PRIMA1: variants seen among roughly 807,000 people sequenced by gnomAD.
PRIMA1 encodes proline-rich membrane anchor 1.
PRIMA1 carries 7 observed loss-of-function variants against 17.5 expected under a neutral mutation model. The ratio of observed to expected loss-of-function variants is 0.40; its 90% CI spans 0.23 to 0.75. PRIMA1 has a LOEUF of 0.75. Among genes scored for constraint, PRIMA1 ranks in the 30% least tolerant of loss-of-function variants. The pLI is 0.37. For missense variants in PRIMA1, 200 were observed against 201.8 expected (o/e 0.99, Z 0.05); for synonymous variants, 97 against 77.9 (o/e 1.25, Z -1.29).
At chr14:93,732,066 G>A (rs1277070261) in intron 4 of PRIMA1, among the ~76,000 whole-genome samples, 1 of 152,208 alleles carries the variant, frequency 6.6e-6, no homozygotes. Flanking sequence ...ACCACGTATT[G>A]GTCTTTCTGC....
At chr14:93,766,349 C>T (rs1032024362) in intron 3 of PRIMA1, among the ~76,000 whole-genome samples, 2 of 152,146 alleles carry the variant, frequency 1.3e-5, no homozygotes, top group African/African-American at 4.8e-5. Flanking sequence ...TGGCCTTGAG[C>T]AAGTCATTTG....
intron 3 of PRIMA1, among the ~76,000 whole-genome samples, chr14:93,766,972 G>T (rs1399498143): frequency 6.6e-6 from 1 of 152,186 alleles, no homozygotes; most frequent in Non-Finnish European, 1.5e-5. Flanking sequence ...ATGAAGGAAT[G>T]AACAAATGAA....
At chr14:93,728,740 C>A (rs1166259745) in intron 4 of PRIMA1, among the ~76,000 whole-genome samples, 1 of 152,138 alleles carries the variant, frequency 6.6e-6, no homozygotes, top group Non-Finnish European at 1.5e-5. Flanking sequence ...TCAGCTGGCC[C>A]AGAGCACACA....
rs575764315 is a variant in PRIMA1, at chr14:93,755,244, T to C, written c.230-17874A>G. Among the ~76,000 whole-genome samples, 93 of 152,326 alleles carry C rather than the reference T, an allele frequency of 6.1e-4. 1 individual carries two copies. Among genetic ancestry groups the C allele is most frequent in the African/African-American group, 2.2e-3 (92 of 41,580 alleles). ...TGTGTGTGTGTGTATATATGTATCC[T>C]GAGTGCGAGCACCCTGCACACGCCG... is the stretch of plus-strand genomic sequence containing the variant. On this transcript the variant is annotated intron_variant, in intron 3 of 4. Coordinates refer to ENST00000393140, the MANE Select transcript of PRIMA1 (RefSeq NM_178013.4).
rs778194849 is a variant in PRIMA1, at chr14:93,788,433, G to C, written c.-55C>G. On this transcript the variant is annotated 5_prime_UTR_variant, in exon 1 of 5. Coordinates refer to ENST00000393140, the MANE Select transcript of PRIMA1 (RefSeq NM_178013.4). ...ACCTTGCCTGGCGGCGGCCCCAGCC[G>C]ACCCTGGGCTCGGGGAAAAGAGGTC... The C allele has an allele frequency of 1.3e-5, 2 of 152,314 alleles. No individual in the cohort carries two copies. Among genetic ancestry groups the C allele is most frequent in the African/African-American group, 2.4e-5 (1 of 41,462 alleles). 9.4% of individuals were successfully genotyped at this position (152,314 alleles called of 1,614,324 possible). A position where few individuals can be genotyped will look rare whatever the true frequency, so the allele number is the denominator to read the frequency against.
intron 2 of PRIMA1, among the ~76,000 whole-genome samples, chr14:93,785,001 C>T (rs1382594282): frequency 6.6e-6 from 1 of 152,052 alleles, no homozygotes; most frequent in African/African-American, 2.4e-5. Flanking sequence ...GGTGGCTCCT[C>T]ATCAGCACAC....
At position 93,783,646 on chromosome 14, in the gene PRIMA1, C is replaced by T. The variant is rs80185315; in HGVS notation, c.93+3980G>A. ...AGTGACTTGCCTAAAGCCCACAGAA[C>T]GCAGGCTGGTTTCAGTACTTCCTGG... On this transcript the variant is annotated intron_variant, in intron 2 of 4. Coordinates refer to ENST00000393140, the MANE Select transcript of PRIMA1 (RefSeq NM_178013.4). Among the ~76,000 whole-genome samples the T allele has an allele frequency of 1.3e-3, 201 of 152,360 alleles. 7 individuals are homozygous for T. In the East Asian group the frequency reaches 0.037, roughly 28 times the overall value.
chr14:93,754,884 C>A (rs778536253), intron 3 of PRIMA1, among the ~76,000 whole-genome samples: 2 of 152,122 alleles, frequency 1.3e-5, no homozygotes, highest in Admixed American at 1.3e-4. Flanking sequence ...GACAGGGTGA[C>A]GCTTCAGAAA....
At chr14:93,764,336 C>T (rs1436034949) in intron 3 of PRIMA1, among the ~76,000 whole-genome samples, 2 of 150,052 alleles carry the variant, frequency 1.3e-5, no homozygotes, top group African/African-American at 4.9e-5. Flanking sequence ...CCAGCCAGCA[C>T]CTCCTCCAGG....
At chr14:93,788,641 C>T (rs1395222442), upstream of PRIMA1, among the ~76,000 whole-genome samples, 1 of 152,086 alleles carries the variant, frequency 6.6e-6, no homozygotes, top group African/African-American at 2.4e-5. Flanking sequence ...AGTTTGCGCG[C>T]CGGTTGGGCC....
At chr14:93,748,104 GTGTA>G (rs375359046) in intron 3 of PRIMA1, among the ~76,000 whole-genome samples, 6 of 152,190 alleles carry the variant, frequency 3.9e-5, no homozygotes, top group African/African-American at 1.4e-4. Context: ...GTGTGTGAAT[GTGTA>G]TGTGTGTGAA....
At chr14:93,749,236 G>A (rs2076245845) in intron 3 of PRIMA1, among the ~76,000 whole-genome samples, 1 of 152,202 alleles carries the variant, frequency 6.6e-6, no homozygotes, top group African/African-American at 2.4e-5. Flanking sequence ...CAGCTTTAGG[G>A]CAGCCCAGTG....
chr14:93,775,113 G>T (rs187946608), intron 3 of PRIMA1, among the ~76,000 whole-genome samples: 69 of 152,316 alleles, frequency 4.5e-4, no homozygotes, highest in Middle Eastern at 3.4e-3. Flanking sequence ...CCTAGAACAG[G>T]TGCCTGGCAA....
At chr14:93,745,270 G>T (rs2076209996) in intron 3 of PRIMA1, among the ~76,000 whole-genome samples, 1 of 152,310 alleles carries the variant, frequency 6.6e-6, no homozygotes, top group Middle Eastern at 3.4e-3. Flanking sequence ...TTGGCAGGAA[G>T]TCAGACCTCA....
At chr14:93,732,207 A>C (rs2076119294) in intron 4 of PRIMA1, among the ~76,000 whole-genome samples, 1 of 152,314 alleles carries the variant, frequency 6.6e-6, no homozygotes, top group South Asian at 2.1e-4. Context: ...GTCTCCGTGC[A>C]GGGGGTGGGC....
At chr14:93,724,150 G>A (rs889675412) in intron 4 of PRIMA1, among the ~76,000 whole-genome samples, 14 of 152,148 alleles carry the variant, frequency 9.2e-5, no homozygotes, top group African/African-American at 3.1e-4. Flanking sequence ...CTCCCAAAGT[G>A]CCAGCATCTT....
intron 3 of PRIMA1, among the ~76,000 whole-genome samples, chr14:93,744,106 C>A (rs2076201247): frequency 6.6e-6 from 1 of 152,244 alleles, no homozygotes; most frequent in Non-Finnish European, 1.5e-5. Flanking sequence ...AAGGGGAGGA[C>A]CCTGCCCGAG....
Position 93,779,322 on chromosome 14 carries a change from G to C in PRIMA1, c.94-11C>G. The C allele has an allele frequency of 6.5e-7, 1 of 1,544,962 alleles. No homozygotes were observed. The highest frequency in any genetic ancestry group is 8.7e-7 in the Non-Finnish European group (1 of 1,152,144). On this transcript the variant is annotated splice_polypyrimidine_tract_variant and intron_variant, in intron 2 of 4. Transcript: ENST00000393140. Reference sequence around the variant, plus strand: ...CTCACCATGCGTCACCTGTACACATGGGCACACGTACCCAAGAGAGAGAGA... The same window carrying C: ...CTCACCATGCGTCACCTGTACACATCGGCACACGTACCCAAGAGAGAGAGA...
At position 93,721,263 on chromosome 14, in the gene PRIMA1, G is replaced by C; in HGVS notation, c.*181C>G. The stretch of plus-strand genomic sequence containing the variant: ...CTCAGCCTGGTGTCCGAGCTGCCTG[G>C]GCCCGCAGGCTGACCAGGGGCAAGC... On this transcript the variant is annotated 3_prime_UTR_variant, in exon 5 of 5. Coordinates refer to ENST00000393140, the MANE Select transcript of PRIMA1 (RefSeq NM_178013.4). 1 of 573,310 alleles carries C rather than the reference G, an allele frequency of 1.7e-6. No homozygotes were observed. The highest frequency in any genetic ancestry group is 3.1e-6 in the Non-Finnish European group (1 of 322,670). 35.5% of individuals were successfully genotyped at this position (573,310 alleles called of 1,614,324 possible). A position where few individuals can be genotyped will look rare whatever the true frequency, so the allele number is the denominator to read the frequency against.
Sources: gnomAD v4.1 joint callset for allele counts (sites outside exome capture counted in the v4.1 genomes callset) on GRCh38, gnomAD v4.1.1 for gene constraint, MANE v1.5 for transcripts, NCBI Gene and HGNC (gene_info 2026-07-23, HGNC 2026-07-21) for gene names.